The following THSD7B variants were observed in gnomAD, a reference collection of about 807,000 sequenced individuals.
THSD7B encodes thrombospondin type 1 domain containing 7B.
THSD7B carries 138 observed loss-of-function variants against 213.6 expected under a neutral mutation model. The ratio of observed to expected loss-of-function variants is 0.65; its 90% CI spans 0.56 to 0.74. THSD7B has a LOEUF of 0.74. Ranked by LOEUF, THSD7B falls within the 30% of genes least tolerant of loss-of-function variation. The pLI, the probability that THSD7B is intolerant of heterozygous loss-of-function variation, is 0.00. For synonymous variants in THSD7B, 742 were observed against 687.0 expected, an observed-to-expected ratio of 1.08 and a Z score of -1.25; for missense variants, 1,931 against 1,991.5, an observed-to-expected ratio of 0.97 and a Z score of 0.58.
intron 15 of THSD7B, among the ~76,000 whole-genome samples, chr2:137,551,077 G>T (rs1338251133): frequency 6.6e-6 from 1 of 151,342 alleles, no homozygotes; most frequent in South Asian, 2.1e-4. Context: ...AATATATAAA[G>T]ATACAAGCTG....
intron 2 of THSD7B, among the ~76,000 whole-genome samples, chr2:137,014,314 G>C (rs1686293079): frequency 6.6e-6 from 1 of 152,164 alleles, no homozygotes; most frequent in Non-Finnish European, 1.5e-5. Flanking sequence ...CATCAGCCCA[G>C]TGTAATGGGG....
At chr2:137,129,258 A>G (rs1236330550) in intron 5 of THSD7B, among the ~76,000 whole-genome samples, 2 of 152,152 alleles carry the variant, frequency 1.3e-5, no homozygotes, top group African/African-American at 4.8e-5. Flanking sequence ...CTGGAGCTCA[A>G]CTTATTAAGA....
At chr2:137,095,252 G>A (rs1688020121) in intron 4 of THSD7B, 131 bp downstream of exon 4, 3 of 1,296,134 alleles carry the variant, frequency 2.3e-6, no homozygotes, top group Admixed American at 2.6e-5. Flanking sequence ...TCCATACTTG[G>A]CAGCATAGGA....
intron 17 of THSD7B, among the ~76,000 whole-genome samples, chr2:137,587,482 C>G (rs1038174387): frequency 1.3e-5 from 2 of 152,162 alleles, no homozygotes; most frequent in Admixed American, 6.5e-5. Flanking sequence ...TACCTTTGGT[C>G]TTTGATGATA....
chr2:137,281,702 C>T (rs1683020966), intron 12 of THSD7B, among the ~76,000 whole-genome samples: 1 of 152,028 alleles, frequency 6.6e-6, no homozygotes, highest in Non-Finnish European at 1.5e-5. Context: ...TGGTTTCCAG[C>T]TTCATCCATG....
At position 137,487,396 on chromosome 2, in the gene THSD7B, A is replaced by AAAAAAAAAC. The variant is rs757398774; in HGVS notation, c.3138+36376_3138+36377insAAAAACAAA. On this transcript the variant is annotated intron_variant, in intron 15 of 27. Transcript: ENST00000409968. ...TCTCAAAAAAAAAAAAAAAAAAAAAAAAAGAACTAGAAAAGCAAGAGCAAA... is the reference window on the plus strand; with the variant it reads ...TCTCAAAAAAAAAAAAAAAAAAAAAAAAAAAAAACAAAGAACTAGAAAAGCAAGAGCAAA... Among the ~76,000 whole-genome samples, 380 of 120,940 alleles carry AAAAAAAAAC rather than the reference A, an allele frequency of 3.1e-3. 4 individuals are homozygous for AAAAAAAAAC. Among genetic ancestry groups the AAAAAAAAAC allele is most frequent in the Non-Finnish European group, 4.5e-3 (266 of 58,730 alleles). 79.3% of individuals were successfully genotyped at this position (120,940 alleles called of 152,430 possible). A position where few individuals can be genotyped will look rare whatever the true frequency, so the allele number is the denominator to read the frequency against.
At chr2:137,397,084 A>G (rs1686211613) in intron 12 of THSD7B, among the ~76,000 whole-genome samples, 2 of 148,048 alleles carry the variant, frequency 1.4e-5, no homozygotes, top group African/African-American at 5.0e-5. Context: ...GGTTTCCTGA[A>G]TAGAGCACAC....
intron 15 of THSD7B, among the ~76,000 whole-genome samples, chr2:137,462,553 T>A (rs529580920): frequency 1.3e-5 from 2 of 152,076 alleles, no homozygotes; most frequent in African/African-American, 4.8e-5. Flanking sequence ...TCCTGATTCA[T>A]CCTTTTAAAA....
intron 2 of THSD7B, among the ~76,000 whole-genome samples, chr2:137,026,552 C>G (rs995965433): frequency 2.0e-5 from 3 of 152,134 alleles, no homozygotes; most frequent in South Asian, 2.1e-4. Context: ...AATGAACTAG[C>G]CTTTTGATCT....
chr2:136,993,152 C>T (rs1685819540), intron 2 of THSD7B, among the ~76,000 whole-genome samples: 1 of 152,222 alleles, frequency 6.6e-6, no homozygotes, highest in Non-Finnish European at 1.5e-5. Flanking sequence ...CTGGCCTTTG[C>T]AACCAAGAAG....
intron 17 of THSD7B, among the ~76,000 whole-genome samples, chr2:137,611,331 A>G (rs1372156143): frequency 6.6e-6 from 1 of 152,046 alleles, no homozygotes; most frequent in Non-Finnish European, 1.5e-5. Context: ...GCTATGCCCT[A>G]TCAGTTTTAA....
chr2:137,486,340 G>A (rs1007629857), intron 15 of THSD7B, among the ~76,000 whole-genome samples: 1 of 147,234 alleles, frequency 6.8e-6, no homozygotes, highest in African/African-American at 2.5e-5. Flanking sequence ...GGCAGGAGTT[G>A]CAATCCTAGT....
intron 12 of THSD7B, among the ~76,000 whole-genome samples, chr2:137,279,757 G>A (rs917204861): frequency 2.6e-5 from 4 of 152,080 alleles, no homozygotes; most frequent in African/African-American, 2.4e-5. Flanking sequence ...GTTTCTTTAC[G>A]CATATTAATA....
intron 2 of THSD7B, among the ~76,000 whole-genome samples, chr2:136,898,016 G>A (rs11885956): frequency 0.027 from 4,168 of 151,718 alleles, 185 homozygotes; most frequent in African/African-American, 0.093. Flanking sequence ...TGATTGGTGC[G>A]TTTTTACAGA....
At chr2:137,527,837 A>G (rs1037768277) in intron 15 of THSD7B, among the ~76,000 whole-genome samples, 1 of 152,140 alleles carries the variant, frequency 6.6e-6, no homozygotes, top group Non-Finnish European at 1.5e-5. Context: ...GGAGCAAGCC[A>G]TTTTGCCAGG....
intron 14 of THSD7B, among the ~76,000 whole-genome samples, chr2:137,420,986 G>A (rs1222503766): frequency 6.6e-6 from 1 of 152,000 alleles, no homozygotes; most frequent in Non-Finnish European, 1.5e-5. Context: ...CTTTAAATCC[G>A]GTGGCATAGC....
intron 10 of THSD7B, among the ~76,000 whole-genome samples, chr2:137,257,599 T>A (rs191809320): frequency 1.5e-4 from 23 of 152,254 alleles, no homozygotes; most frequent in Admixed American, 1.2e-3. Context: ...TCAAGACTAT[T>A]GTCACAGAGC....
chr2:137,603,502 A>G (rs374872514), intron 17 of THSD7B, among the ~76,000 whole-genome samples: 35 of 152,306 alleles, frequency 2.3e-4, no homozygotes, highest in African/African-American at 7.5e-4. Flanking sequence ...TCACCCATAT[A>G]ATTTAGAATG....
intron 12 of THSD7B, among the ~76,000 whole-genome samples, chr2:137,400,682 G>T (rs993321686): frequency 3.3e-5 from 5 of 152,186 alleles, no homozygotes; most frequent in Admixed American, 1.3e-4. Context: ...GTAAAGGGCT[G>T]TGTGGGCTGG....
Sources: gnomAD v4.1 joint callset for allele counts (sites outside exome capture counted in the v4.1 genomes callset) on GRCh38, gnomAD v4.1.1 for gene constraint, MANE v1.5 for transcripts, NCBI Gene and HGNC (gene_info 2026-07-23, HGNC 2026-07-21) for gene names.